Variants in NTRK1 observed in about 807,000 individuals in gnomAD.
NTRK1 encodes the protein high affinity nerve growth factor receptor.
NTRK1 carries 62 observed loss-of-function variants against 86.8 expected under a neutral mutation model. The ratio of observed to expected loss-of-function variants is 0.71; its 90% CI spans 0.58 to 0.88. NTRK1 has a LOEUF of 0.88. Ranked by LOEUF, NTRK1 falls within the 40% of genes least tolerant of loss-of-function variation. The probability of loss-of-function intolerance (pLI) is 0.00; values close to 1 mark genes in which losing one functional copy is unlikely to be tolerated. For synonymous variants in NTRK1, 469 were observed against 456.6 expected, an observed-to-expected ratio of 1.03 and a Z score of -0.35; for missense variants, 967 against 1,078.4, an observed-to-expected ratio of 0.90 and a Z score of 1.45.
chr1:156,868,393 C>T, intron 5 of NTRK1, 112 bp from the exon 6 acceptor site: 2 of 1,536,768 alleles, frequency 1.3e-6, no homozygotes, highest in Non-Finnish European at 1.8e-6. Flanking sequence ...GGTGACATCG[C>T]CTGGGCTCCA....
chr1:156,815,824 C>CA, exon 1 of NTRK1: 1 of 1,614,108 alleles, frequency 6.2e-7, no homozygotes, highest in Non-Finnish European at 8.5e-7. Flanking sequence ...GTGGGCAACT[C>CA]GGCGCATGAA....
rs2102910231 is a variant in NTRK1 at position 156,874,619 on chromosome 1, C to T, written c.1244C>T (p.Pro415Leu). Residue 415 changes from proline to leucine, a missense_variant, in exon 10 of 17, where the codon CCT becomes CTT. Around this residue, in one of 2 missense-constraint regions of NTRK1, gnomAD observed 637 missense variants for 776.5 expected, o/e 0.82. Transcript: ENST00000524377. The part of the protein sequence containing the change: ...GDPVEKKDET[P>L]FGVSVAVGLA... ...CCGGTGGAGAAGAAGGACGAAACACCTTTTGGGGTGAGATAGGAAGTAGAA... is the reference window on the plus strand; with the variant it reads ...CCGGTGGAGAAGAAGGACGAAACACTTTTTGGGGTGAGATAGGAAGTAGAA... 1 of 1,613,766 alleles carries T rather than the reference C, an allele frequency of 6.2e-7. No individual in the cohort carries two copies. The highest frequency in any genetic ancestry group is 1.1e-5 in the South Asian group (1 of 90,986).
chr1:156,874,523 G>T (rs2102909664), intron 9 of NTRK1, 48 bp from the exon 10 acceptor site: 1 of 1,611,562 alleles, frequency 6.2e-7, no homozygotes, highest in Non-Finnish European at 8.5e-7. Context: ...GTTACTGGAG[G>T]CTACAGTGTG....
chr1:156,845,846 C>G, intron 2 of NTRK1: 2 of 1,596,334 alleles, frequency 1.3e-6, no homozygotes. Context: ...ACTAGTAAGA[C>G]AGGCGGTCTA....
chr1:156,879,713 G>C (rs955690445), intron 15 of NTRK1, among the ~76,000 whole-genome samples: 1 of 152,128 alleles, frequency 6.6e-6, no homozygotes, highest in East Asian at 1.9e-4. Flanking sequence ...TGGTTCAAGC[G>C]ATTCTCCTGC....
intron 2 of NTRK1, among the ~76,000 whole-genome samples, chr1:156,850,529 ACATT>A (rs1242161289): frequency 1.6e-4 from 22 of 135,686 alleles, no homozygotes; most frequent in African/African-American, 4.9e-4. Flanking sequence ...GTAATTTAAA[ACATT>A]CTTTTTTTTT....
upstream of NTRK1, among the ~76,000 whole-genome samples, chr1:156,857,576 T>A (rs1655454710): frequency 6.6e-6 from 1 of 152,134 alleles, no homozygotes; most frequent in African/African-American, 2.4e-5. Flanking sequence ...AGGAGGGGGT[T>A]CGGTGGTCGG....
chr1:156,848,161 C>T (rs1403296169), intron 2 of NTRK1, among the ~76,000 whole-genome samples: 1 of 152,076 alleles, frequency 6.6e-6, no homozygotes, highest in African/African-American at 2.4e-5. Flanking sequence ...GGGTCTCGGC[C>T]ATTTGAGTGG....
intron 1 of NTRK1, chr1:156,816,276 G>T: frequency 1.5e-5 from 8 of 530,324 alleles, no homozygotes; most frequent in Non-Finnish European, 1.7e-5. Context: ...AGGCGGCATG[G>T]GGGGCTAATG....
intron 2 of NTRK1, chr1:156,842,284 T>C (rs572654538): frequency 2.0e-5 from 32 of 1,613,780 alleles, no homozygotes; most frequent in Admixed American, 1.8e-4. Flanking sequence ...AGAGCCAAGA[T>C]TGGGGGCTGG....
intron 2 of NTRK1, chr1:156,843,263 G>A (rs1176626331): frequency 6.2e-7 from 1 of 1,604,682 alleles, no homozygotes; most frequent in Admixed American, 1.7e-5. Flanking sequence ...CACAAAGCGA[G>A]GATGCTGCTC....
chr1:156,841,381 G>T, intron 1 of NTRK1: 1 of 1,612,942 alleles, frequency 6.2e-7, no homozygotes, highest in South Asian at 1.1e-5. Flanking sequence ...AAGGGGCAGG[G>T]GAGGTGACTC....
chr1:156,824,481 T>C (rs943063271), intron 1 of NTRK1, among the ~76,000 whole-genome samples: 2 of 152,156 alleles, frequency 1.3e-5, no homozygotes, highest in African/African-American at 2.4e-5. Flanking sequence ...TACTTATGTG[T>C]TCTGAACCAG....
chr1:156,858,785 A>G (rs1373517500), upstream of NTRK1: 4 of 626,626 alleles, frequency 6.4e-6, no homozygotes, highest in East Asian at 8.2e-5. Flanking sequence ...GGAGACAGAA[A>G]AAAAGAAATG....
intron 14 of NTRK1, among the ~76,000 whole-genome samples, chr1:156,877,484 C>T (rs774053832): frequency 6.6e-6 from 1 of 152,236 alleles, no homozygotes; most frequent in Non-Finnish European, 1.5e-5. Flanking sequence ...GATGTGGCCC[C>T]AGGCAGAGCC....
At chr1:156,849,513 G>GGGGGGA in intron 2 of NTRK1, 3 of 486,122 alleles carry the variant, frequency 6.2e-6, no homozygotes, top group East Asian at 5.4e-5. Context: ...CAGGGGGTGG[G>GGGGGGA]AAAGGGGATG....
intron 2 of NTRK1, chr1:156,851,964 G>A (rs780742282): frequency 1.7e-5 from 27 of 1,607,658 alleles, no homozygotes; most frequent in African/African-American, 1.1e-4. Flanking sequence ...GTGGAGGCAC[G>A]GCCGGGCACA....
chr1:156,839,309 AGT>A (rs1230411536), intron 1 of NTRK1, among the ~76,000 whole-genome samples: 1 of 152,200 alleles, frequency 6.6e-6, no homozygotes, highest in Non-Finnish European at 1.5e-5. Context: ...CCAGACCCAG[AGT>A]GTGTGGCATG....
In NTRK1 at chr1:156,843,224, G is replaced by A. The variant is rs150810462; in HGVS notation, c.50+1031G>A. The stretch of plus-strand genomic sequence containing the variant: ...CTCCCGAGGCACCTCCCATTCATCA[G>A]GGACATACACTGCAAGGAGGTGGAG... On this transcript the variant is annotated intron_variant, in intron 2 of 16. Coordinates refer to the NTRK1 transcript ENST00000392302. 16 of 1,613,924 alleles carry A rather than the reference G, an allele frequency of 9.9e-6. No individual in the cohort carries two copies. The African/African-American group carries it at 2.1e-4, about 22-fold the overall frequency.
Sources: gnomAD v4.1 joint callset for allele counts (sites outside exome capture counted in the v4.1 genomes callset) on GRCh38, gnomAD v4.1.1 for gene constraint, gnomAD v4.1.1 regional missense constraint, MANE v1.5 for transcripts, NCBI Gene and HGNC (gene_info 2026-07-23, HGNC 2026-07-21) for gene names.